ANKRD26: variants seen among roughly 807,000 people sequenced by gnomAD.
ANKRD26 encodes the protein ankyrin repeat domain-containing protein 26.
A neutral mutation model predicts 208.7 loss-of-function variants in ANKRD26; 141 were observed. The ratio of observed to expected loss-of-function variants is 0.68; its 90% confidence interval spans 0.59 to 0.78. The LOEUF is 0.78. Ranked by LOEUF, ANKRD26 falls within the 30% of genes least tolerant of loss-of-function variation. ANKRD26 has a pLI of 0.00. For missense variants in ANKRD26, 1,889 were observed against 1,938.7 expected (o/e 0.97, Z 0.48); for synonymous variants, 636 against 660.4 (o/e 0.96, Z 0.57).
At chr10:27,024,424 G>A in intron 28 of ANKRD26, 23 bp downstream of exon 28, 2 of 1,260,642 alleles carry the variant, frequency 1.6e-6, no homozygotes, top group Non-Finnish European at 1.2e-6. Context: ...TGGTTAAAAT[G>A]ATCTGAAATA....
At chr10:26,965,435 A>G in the ANKRD26 span, among the ~76,000 whole-genome samples, 50,301 of 152,144 alleles carry the variant, frequency 0.33, 10,580 homozygotes, top group Non-Finnish European at 0.47. Flanking sequence ...CCATATGCAG[A>G]AAACAGAAAC....
chr10:27,022,585 A>T lies in ANKRD26; in HGVS notation c.4188T>A (p.Asp1396Glu). The T allele has an allele frequency of 6.5e-7, 1 of 1,539,666 alleles. No individual in the cohort carries two copies. Among genetic ancestry groups the T allele is most frequent in the East Asian group, 2.3e-5 (1 of 43,752 alleles). The change falls in exon 29 of 34, where the codon GAT becomes GAA. Residue 1396 changes from aspartate to glutamate, a missense_variant. By Grantham distance (45) the Asp-to-Glu change is conservative. Coordinates refer to ENST00000376087, the MANE Select transcript of ANKRD26 (RefSeq NM_014915.3). ...GDLKTSQFEM[D>E]IQINKLKHKI... Reference sequence around the variant, plus strand: ...TATGTTTTAGCTTATTAATCTGAATATCCATTTCAAATTGACTAGTTTTTA... The same window carrying T: ...TATGTTTTAGCTTATTAATCTGAATTTCCATTTCAAATTGACTAGTTTTTA...
At chr10:27,041,043 AAAAG>A (rs1214397658) in intron 20 of ANKRD26, among the ~76,000 whole-genome samples, 1 of 150,080 alleles carries the variant, frequency 6.7e-6, no homozygotes, top group Admixed American at 6.6e-5. Flanking sequence ...AAAAAAAAAA[AAAAG>A]AAAAGAAAAC....
intron 4 of ANKRD26, among the ~76,000 whole-genome samples, chr10:27,090,916 G>A (rs969107556): frequency 6.6e-6 from 1 of 151,998 alleles, no homozygotes; most frequent in Non-Finnish European, 1.5e-5. Flanking sequence ...GGTAATATGG[G>A]GAAATCCCAT....
the ANKRD26 span, among the ~76,000 whole-genome samples, chr10:26,967,947 G>T: frequency 6.6e-6 from 1 of 152,084 alleles, no homozygotes; most frequent in South Asian, 2.1e-4. Context: ...TCTGCCTCCA[G>T]CCTTGCCCCC....
the ANKRD26 span, among the ~76,000 whole-genome samples, chr10:26,948,665 G>T: frequency 6.7e-6 from 1 of 149,378 alleles, no homozygotes; most frequent in African/African-American, 2.6e-5. Flanking sequence ...TAAACCACAT[G>T]AGTTATTCTC....
intron 4 of ANKRD26, among the ~76,000 whole-genome samples, chr10:26,997,655 C>G (rs771114698): frequency 4.6e-5 from 7 of 152,188 alleles, no homozygotes; most frequent in Non-Finnish European, 7.3e-5. Flanking sequence ...GGGCTTGGAA[C>G]ATGTCCGGGG....
chr10:27,043,780 A>T (rs1214585741), intron 19 of ANKRD26, among the ~76,000 whole-genome samples: 3 of 151,826 alleles, frequency 2.0e-5, no homozygotes, highest in African/African-American at 2.4e-5. Flanking sequence ...TCTTTTTTTT[A>T]ATTTCATGTT....
intron 32 of ANKRD26, among the ~76,000 whole-genome samples, chr10:27,008,332 A>G (rs1176398630): frequency 1.3e-5 from 2 of 152,112 alleles, no homozygotes; most frequent in East Asian, 1.9e-4. Flanking sequence ...ATAACATTAT[A>G]GATAGGCCTT....
the ANKRD26 span, among the ~76,000 whole-genome samples, chr10:26,956,930 T>A: frequency 6.6e-6 from 1 of 152,228 alleles, no homozygotes; most frequent in South Asian, 2.1e-4. Flanking sequence ...CATCAGAAGA[T>A]GTTTATAGAT....
intron 25 of ANKRD26, among the ~76,000 whole-genome samples, chr10:27,030,032 T>C (rs1303948541): frequency 6.6e-6 from 1 of 152,214 alleles, no homozygotes; most frequent in African/African-American, 2.4e-5. Flanking sequence ...TCAAGGAATA[T>C]ATACATAAAG....
In ANKRD26 at chr10:27,077,142, A is replaced by G. The variant is rs182111016; in HGVS notation, c.1077+196T>C. On this transcript the variant is annotated intron_variant, in intron 9 of 33. Coordinates refer to ENST00000376087, the MANE Select transcript of ANKRD26 (RefSeq NM_014915.3). Reference sequence around the variant, plus strand: ...GAATCCAACAGCACATCACAAAGTAATAATTCACCATGATCAAGTGGGTTT... The same window carrying G: ...GAATCCAACAGCACATCACAAAGTAGTAATTCACCATGATCAAGTGGGTTT... 9.3e-5 allele frequency: 56 copies of G among 601,610 alleles called. No homozygotes were observed. The East Asian group carries it at 1.1e-3, about 12-fold the overall frequency. The allele number at this position is 601,610 out of a possible 1,614,324, so 37.3% of individuals were successfully genotyped here.
intron 5 of ANKRD26, among the ~76,000 whole-genome samples, chr10:27,083,919 T>C (rs1475926148): frequency 2.0e-5 from 3 of 151,974 alleles, no homozygotes; most frequent in Non-Finnish European, 2.9e-5. Flanking sequence ...ATGACCTAAG[T>C]TGCATAGCAC....
At chr10:26,951,014 T>TTTTCTTTTC in the ANKRD26 span, among the ~76,000 whole-genome samples, 1 of 42,910 alleles carries the variant, frequency 2.3e-5, no homozygotes, top group East Asian at 4.6e-4. Flanking sequence ...TTTTCTTTTC[T>TTTTCTTTTC]TTTTCTTTTT....
chr10:27,086,131 C>T (rs550110344), intron 5 of ANKRD26, among the ~76,000 whole-genome samples: 24 of 151,958 alleles, frequency 1.6e-4, no homozygotes, highest in African/African-American at 5.6e-4. Context: ...CAAGGGACAA[C>T]TGTAATTAAT....
chr10:27,075,073 G>T (rs2055648844), intron 9 of ANKRD26, among the ~76,000 whole-genome samples: 1 of 152,130 alleles, frequency 6.6e-6, no homozygotes, highest in African/African-American at 2.4e-5. Context: ...AGCCCTACAA[G>T]AAATATTTAT....
chr10:27,060,638 G>C (rs981282175), intron 13 of ANKRD26, 98 bp from the exon 14 acceptor site: 3 of 935,178 alleles, frequency 3.2e-6, no homozygotes, highest in Non-Finnish European at 4.9e-6. Flanking sequence ...CATCACGCTT[G>C]GTTTGAAAAT....
downstream of ANKRD26, among the ~76,000 whole-genome samples, chr10:26,969,127 G>A (rs1424697455): frequency 6.6e-6 from 1 of 152,044 alleles, no homozygotes; most frequent in Non-Finnish European, 1.5e-5. Context: ...TACTCCTTGA[G>A]TCATTGCGGT....
Position 27,092,188 on chromosome 10 carries a change from CCTAA to C in ANKRD26, c.638+214_638+217del, listed in dbSNP as rs538652790. Among the ~76,000 whole-genome samples, 12 of 152,178 alleles carry C rather than the reference CCTAA, an allele frequency of 7.9e-5. No homozygotes were observed. The South Asian group carries it at 1.2e-3, about 16-fold the overall frequency. ...CCCAATCCAAGCAACTGCTTTTCTT[CCTAA>C]CTGATTTGTGTTGCTATTTGTCACT... On this transcript the variant is annotated intron_variant, in intron 4 of 33. Coordinates refer to ENST00000376087, the MANE Select transcript of ANKRD26 (RefSeq NM_014915.3).
Sources: allele counts gnomAD v4.1 joint callset (sites outside exome capture counted in the v4.1 genomes callset), GRCh38; gene constraint gnomAD v4.1.1; transcripts MANE v1.5; gene names NCBI Gene and HGNC (gene_info 2026-07-23, HGNC 2026-07-21).